The following TMEM25 variants were observed in gnomAD, a reference collection of about 807,000 sequenced individuals.
TMEM25 encodes transmembrane protein 25, also known as 0610039J01Rik.
TMEM25 carries 36 observed loss-of-function variants against 37.0 expected under a neutral mutation model. The observed-to-expected ratio is 0.97, with a 90% CI of 0.75 to 1.28. The LOEUF is 1.28. Among genes scored for constraint, TMEM25 ranks in the 50% most tolerant of loss-of-function variants. The probability of loss-of-function intolerance (pLI) is 0.00; values close to 1 mark genes in which losing one functional copy is unlikely to be tolerated. For missense variants in TMEM25, 444 were observed against 477.9 expected (o/e 0.93, Z 0.66); for synonymous variants, 197 against 203.7 (o/e 0.97, Z 0.28).
chr11:118,540,120 TTTTG>T (rs1283181145), downstream of TMEM25, among the ~76,000 whole-genome samples: 1 of 151,792 alleles, frequency 6.6e-6, no homozygotes, highest in Non-Finnish European at 1.5e-5. Context: ...TGGTTTTTGT[TTTTG>T]TTTGAGACAG....
At chr11:118,540,062 G>T (rs1951559142), downstream of TMEM25, among the ~76,000 whole-genome samples, 3 of 151,406 alleles carry the variant, frequency 2.0e-5, no homozygotes, top group African/African-American at 7.3e-5. Flanking sequence ...ATCATGAGGT[G>T]GGAAAAGCCT....
In TMEM25 at chr11:118,532,932, C is replaced by T. The variant is rs782588755; in HGVS notation, c.398C>T (p.Ala133Val). 7 of 1,613,360 alleles carry T rather than the reference C, an allele frequency of 4.3e-6. No individual in the cohort carries two copies. The highest frequency in any genetic ancestry group is 5.9e-6 in the Non-Finnish European group (7 of 1,179,526). ...ILNVQFKPEI[A>V]QVGAKYQEAQ... ...TTTGTACCAGTCAAGCCAGAGATTGCCCAAGTCGGCGCCAAGTACCAGGAA... is the reference window on the plus strand; with the variant it reads ...TTTGTACCAGTCAAGCCAGAGATTGTCCAAGTCGGCGCCAAGTACCAGGAA... The change falls in exon 4 of 9, where the codon GCC becomes GTC. Residue 133 changes from alanine (A) to valine (V), a missense_variant. Physicochemically the swap from Ala to Val is moderately conservative, Grantham distance 64. Coordinates refer to ENST00000313236, the MANE Select transcript of TMEM25 (RefSeq NM_032780.4).
At chr11:118,532,830 C>T (rs1951352590) in intron 3 of TMEM25, 87 bp from the exon 4 acceptor site, 1 of 1,525,526 alleles carries the variant, frequency 6.6e-7, no homozygotes, top group Non-Finnish European at 8.8e-7. Context: ...GAGGCCCAGG[C>T]CCCTGGCTCC....
In TMEM25 at chr11:118,534,132, A is replaced by G. The variant is rs368081342; in HGVS notation, c.937+3A>G. The G allele has an allele frequency of 1.3e-5, 21 of 1,613,922 alleles. No individual in the cohort carries two copies. Among genetic ancestry groups the G allele is most frequent in the Non-Finnish European group, 1.6e-5 (19 of 1,179,812 alleles). ...TGACCTCACTCCAGATTCCAGAGGT[A>G]TATCTAGGGCCCTGCTCTTTGCCCC... On this transcript the variant is annotated splice_donor_region_variant and intron_variant, in intron 7 of 8. Transcript: ENST00000313236. This position sits in a 1 kb window ranked among gnomAD's most constrained non-coding sequence, Gnocchi z 4.6.
downstream of TMEM25, among the ~76,000 whole-genome samples, chr11:118,538,802 A>C (rs1215715670): frequency 6.6e-6 from 1 of 151,396 alleles, no homozygotes; most frequent in African/African-American, 2.4e-5. Context: ...CTGAGGCAGG[A>C]GAATCGCTTG....
Position 118,531,891 on chromosome 11 carries a change from T to C in TMEM25, c.70+20T>C, listed in dbSNP as rs1400433646. Reference sequence around the variant, plus strand: ...GCTCAGGTACACCCCTGTTCAGTCGTTGACCAAGTCCTTCTGGGTTCCAAA... The same window carrying C: ...GCTCAGGTACACCCCTGTTCAGTCGCTGACCAAGTCCTTCTGGGTTCCAAA... On this transcript the variant is annotated intron_variant, in intron 2 of 8. Coordinates refer to ENST00000313236, the MANE Select transcript of TMEM25 (RefSeq NM_032780.4). The C allele has an allele frequency of 1.3e-6, 2 of 1,551,332 alleles. No individual in the cohort carries two copies. Among genetic ancestry groups the C allele is most frequent in the South Asian group, 1.2e-5 (1 of 84,054 alleles).
At chr11:118,533,950 GC>G in intron 6 of TMEM25, 63 bp downstream of exon 6, 1 of 1,613,972 alleles carries the variant, frequency 6.2e-7, no homozygotes, top group Middle Eastern at 1.6e-4. Context: ...ACAGGAGGGA[GC>G]CTGGGGTTTC....
At position 118,545,763 on chromosome 11, in the gene TMEM25, T is replaced by C. The variant is rs533063194; in HGVS notation, c.1028-356T>C. The C allele has an allele frequency of 6.2e-6, 10 of 1,606,718 alleles. No homozygotes were observed. In the South Asian group the frequency reaches 9.9e-5, roughly 16 times the overall value. On this transcript the variant is annotated intron_variant, in intron 8 of 8. Coordinates refer to the TMEM25 transcript ENST00000354284. ...AGCCTAGAGTGTCTCTATCCAGAGA[T>C]GGGGACGAGGAAAGGAAAGAGGAAC... is the stretch of plus-strand genomic sequence containing the variant.
chr11:118,535,932 C>T (rs1375697306), downstream of TMEM25: 2 of 821,386 alleles, frequency 2.4e-6, no homozygotes, highest in Non-Finnish European at 3.0e-6. Flanking sequence ...GGCTGGAGTG[C>T]AGCGGCGCGA....
chr11:118,538,912 G>A (rs1951543911), downstream of TMEM25, among the ~76,000 whole-genome samples: 1 of 150,648 alleles, frequency 6.6e-6, no homozygotes. Context: ...AAAAGGAAAT[G>A]TCTATTCTTG....
chr11:118,533,731 T>C (rs1951405236), intron 5 of TMEM25, 126 bp from the exon 6 acceptor site: 3 of 1,571,612 alleles, frequency 1.9e-6, no homozygotes, highest in Non-Finnish European at 2.6e-6. Context: ...ACCCAGTCTC[T>C]GGCCCCAGGG....
chr11:118,532,277 T>A lies in TMEM25; in HGVS notation c.198T>A (p.Tyr66Ter), dbSNP rs1555059311. The A allele has an allele frequency of 1.9e-6, 3 of 1,614,144 alleles. No individual in the cohort carries two copies. The South Asian group carries it at 3.3e-5, about 18-fold the overall frequency. ...GGPGTPRLAW[Y>*]LDGQLQEAST... is the part of the protein sequence containing the mutation. ...CTGGCACCCCCAGATTGGCCTGGTA[T>A]CTGGATGGACAGCTGCAGGAGGCCA... Residue 66 changes from tyrosine to a stop codon, truncating the protein, a stop_gained, in exon 3 of 9, where the codon TAT becomes TAA. Coordinates refer to ENST00000313236, the MANE Select transcript of TMEM25 (RefSeq NM_032780.4). LOFTEE classifies it high-confidence loss of function.
Position 118,533,403 on chromosome 11 carries a change from C to G in TMEM25, c.674-17C>G. 6.2e-7 allele frequency: 1 copy of G among 1,612,970 alleles called. No individual in the cohort carries two copies. Among genetic ancestry groups the G allele is most frequent in the Non-Finnish European group, 8.5e-7 (1 of 1,179,894 alleles). ...GGCACTACCCACTTGGGACCTGACACAGAGGACATCCTCCAGGGCTTCTGG... is the reference window on the plus strand; with the variant it reads ...GGCACTACCCACTTGGGACCTGACAGAGAGGACATCCTCCAGGGCTTCTGG... On this transcript the variant is annotated splice_polypyrimidine_tract_variant and intron_variant, in intron 4 of 8. Coordinates refer to ENST00000313236, the MANE Select transcript of TMEM25 (RefSeq NM_032780.4).
intron 1 of TMEM25, 76 bp from the exon 2 acceptor site, chr11:118,531,699 T>C: frequency 4.5e-6 from 5 of 1,122,004 alleles, no homozygotes; most frequent in Non-Finnish European, 6.2e-6. Flanking sequence ...TTTTTGTTTC[T>C]GGAGAGTAAA....
downstream of TMEM25, among the ~76,000 whole-genome samples, chr11:118,540,055 A>G (rs1405127157): frequency 6.6e-6 from 1 of 150,912 alleles, no homozygotes; most frequent in African/African-American, 2.4e-5. Flanking sequence ...TTGGAGAATC[A>G]TGAGGTGGGA....
Position 118,531,854 on chromosome 11 carries a change from C to A in TMEM25, c.53C>A (p.Pro18Gln), listed in dbSNP as rs907901092. The A allele has an allele frequency of 3.2e-6, 5 of 1,551,538 alleles. No homozygotes were observed. Among genetic ancestry groups the A allele is most frequent in the Non-Finnish European group, 1.7e-6 (2 of 1,147,014 alleles). Residue 18 changes from proline (P) to glutamine (Q), a missense_variant, in exon 2 of 9, where the codon CCA becomes CAA. Pro to Gln is a moderately conservative substitution (Grantham distance 76). Transcript: ENST00000313236. ...CTCCGGCACACACTGCTGCTCCTGC[C>A]AGCCCTTCTGAGCTCAGGTACACCC... Reference protein sequence around the residue: ...AALRHTLLLLPALLSSGWGEL... With the variant: ...AALRHTLLLLQALLSSGWGEL...
intron 8 of TMEM25, chr11:118,545,521 C>G (rs782557412): frequency 6.4e-7 from 1 of 1,570,478 alleles, no homozygotes; most frequent in South Asian, 1.1e-5. Context: ...CTTCCAGGAA[C>G]AGAAGCAAAC....
At chr11:118,544,822 T>C in intron 8 of TMEM25, 1 of 864,364 alleles carries the variant, frequency 1.2e-6, no homozygotes, top group Admixed American at 2.0e-5. Flanking sequence ...AGCTGTGGCA[T>C]GGGCAAGGAC....
chr11:118,534,744 T>G lies in TMEM25; in HGVS notation c.*164T>G. The G allele has an allele frequency of 6.9e-7, 1 of 1,444,754 alleles. No homozygotes were observed. The highest frequency in any genetic ancestry group is 9.1e-7 in the Non-Finnish European group (1 of 1,099,118). 89.5% of individuals were successfully genotyped at this position (1,444,754 alleles called of 1,614,324 possible). ...CTCCATGTCATGCACGTGATGCATT[T>G]CACTGGGCTGTAACCCGCAGGGGCA... is the stretch of plus-strand genomic sequence containing the variant. On this transcript the variant is annotated 3_prime_UTR_variant, in exon 9 of 9. Coordinates refer to ENST00000313236, the MANE Select transcript of TMEM25 (RefSeq NM_032780.4). The surrounding 1 kb of genome is among the most constrained non-coding windows in gnomAD (Gnocchi z 4.6).
Sources: allele counts gnomAD v4.1 joint callset (sites outside exome capture counted in the v4.1 genomes callset), GRCh38; gene constraint gnomAD v4.1.1; non-coding constraint Gnocchi (gnomAD v3.1); transcripts MANE v1.5; gene names NCBI Gene and HGNC (gene_info 2026-07-23, HGNC 2026-07-21).